The following CCDC13 variants were observed in gnomAD, a reference collection of about 807,000 sequenced individuals.
CCDC13 encodes the protein coiled-coil domain-containing protein 13.
CCDC13 carries 70 observed loss-of-function variants against 87.3 expected under a neutral mutation model. The observed-to-expected ratio is 0.80, with a 90% CI of 0.66 to 0.98. CCDC13 has a LOEUF of 0.98. Among genes scored for constraint, CCDC13 ranks in the 50% least tolerant of loss-of-function variants. The pLI is 0.00. For synonymous variants in CCDC13, 317 were observed against 360.3 expected (o/e 0.88, Z 1.36); for missense variants, 842 against 892.0 (o/e 0.94, Z 0.71).
chr3:42,738,386 C>A (rs757911380), intron 9 of CCDC13, among the ~76,000 whole-genome samples: 1 of 152,170 alleles, frequency 6.6e-6, no homozygotes, highest in Non-Finnish European at 1.5e-5. Flanking sequence ...ATTGTCTTGG[C>A]AATGTGGGCT....
chr3:42,750,325 T>A lies in CCDC13; in HGVS notation c.603+1611A>T, dbSNP rs539004305. Among the ~76,000 whole-genome samples, 282 of 152,340 alleles carry A rather than the reference T, an allele frequency of 1.9e-3. 1 individual carries two copies. Among genetic ancestry groups the A allele is most frequent in the Non-Finnish European group, 2.2e-3 (153 of 68,026 alleles). ...TCCCACCTTCCAGCTGCAACCTTAA[T>A]GGAGGGTGGACTCCCCTGTGAGCTT... On this transcript the variant is annotated intron_variant, in intron 5 of 15. Coordinates refer to ENST00000310232, the MANE Select transcript of CCDC13 (RefSeq NM_144719.4).
rs1041116391 is a variant in CCDC13 at position 42,751,942 on chromosome 3, T to C, written c.597A>G (p.Arg199=). ...CACAGAAGAGAATTCATACCAATGC[T>C]CTGTCTCCCATCTGGGCCCTCGGTG... ...AKPPRAQMGD[R]ALLETPEVKA... is the part of the protein sequence containing the mutation. The change falls in exon 5 of 16, where the codon AGA becomes AGG. Residue 199 remains arginine (R), a synonymous_variant. Transcript: ENST00000310232. 7 of 1,612,100 alleles carry C rather than the reference T, an allele frequency of 4.3e-6. No homozygotes were observed. The highest frequency in any genetic ancestry group is 5.9e-6 in the Non-Finnish European group (7 of 1,179,852).
At chr3:42,753,195 C>T (rs939283864) in intron 3 of CCDC13, among the ~76,000 whole-genome samples, 9 of 152,176 alleles carry the variant, frequency 5.9e-5, no homozygotes, top group East Asian at 1.9e-4. Flanking sequence ...CAGTTAAATT[C>T]GCTGTGTTTG....
chr3:42,731,068 G>C (rs1559643580), intron 12 of CCDC13, among the ~76,000 whole-genome samples: 1 of 152,118 alleles, frequency 6.6e-6, no homozygotes, highest in Non-Finnish European at 1.5e-5. Context: ...TTTGTGACTT[G>C]TTCAATTTTC....
chr3:42,745,052 T>A (rs1378344041), intron 7 of CCDC13: 1 of 152,144 alleles, frequency 6.6e-6, no homozygotes, highest in East Asian at 1.9e-4. Context: ...CCATGCACTA[T>A]CATCTATTAG....
Position 42,707,453 on chromosome 3 carries a change from T to C in CCDC13, c.*1527A>G, listed in dbSNP as rs1255761108. The stretch of plus-strand genomic sequence containing the variant: ...ACCCCATGCAGGGTCAGGGGCTCCC[T>C]GAGGAGTGGGGGCCAGCTAGGGTCC... On this transcript the variant is annotated 3_prime_UTR_variant, in exon 16 of 16. Transcript: ENST00000310232. 6.6e-6 allele frequency among the ~76,000 whole-genome samples: 1 copy of C among 152,126 alleles called. No homozygotes were observed. Among genetic ancestry groups the C allele is most frequent in the Non-Finnish European group, 1.5e-5 (1 of 68,006 alleles).
In CCDC13 at chr3:42,747,831, C is replaced by T. The variant is rs111477801; in HGVS notation, c.604-458G>A. Among the ~76,000 whole-genome samples the T allele has an allele frequency of 6.2e-3, 937 of 152,286 alleles. 8 individuals carry two copies. The highest frequency in any genetic ancestry group is 0.021 in the African/African-American group (878 of 41,550). On this transcript the variant is annotated intron_variant, in intron 5 of 15. Coordinates refer to ENST00000310232, the MANE Select transcript of CCDC13 (RefSeq NM_144719.4). ...TTCACTCAGAATAAAGAGGAAACCA[C>T]GTTATTCCCCGAAGGCAAGCCCAGC... is the stretch of plus-strand genomic sequence containing the variant.
intron 1 of CCDC13, among the ~76,000 whole-genome samples, chr3:42,764,451 C>G (rs1699894928): frequency 6.6e-6 from 1 of 152,266 alleles, no homozygotes; most frequent in African/African-American, 2.4e-5. Context: ...ACACGGACAG[C>G]AGCTGCTATG....
chr3:42,729,814 C>T (rs1698778285), intron 13 of CCDC13, among the ~76,000 whole-genome samples: 1 of 152,214 alleles, frequency 6.6e-6, no homozygotes, highest in East Asian at 1.9e-4. Flanking sequence ...TTGACTGATA[C>T]ATGATATAGC....
At chr3:42,770,605 C>A (rs971545709) in intron 1 of CCDC13, 1 of 152,276 alleles carries the variant, frequency 6.6e-6, no homozygotes, top group African/African-American at 2.4e-5. Flanking sequence ...GCAGTGGCAA[C>A]CTGCTGAGGT....
At chr3:42,725,674 C>T (rs1265713215) in intron 13 of CCDC13, among the ~76,000 whole-genome samples, 1 of 152,038 alleles carries the variant, frequency 6.6e-6, no homozygotes, top group South Asian at 2.1e-4. Flanking sequence ...AACACAAGGG[C>T]AGCATTCATG....
intron 10 of CCDC13, among the ~76,000 whole-genome samples, chr3:42,734,835 G>A (rs754323658): frequency 3.9e-5 from 6 of 152,224 alleles, no homozygotes; most frequent in Non-Finnish European, 8.8e-5. Context: ...AGGTGAAGGT[G>A]CCTGACTCCT....
intron 14 of CCDC13, 119 bp from the exon 15 acceptor site, chr3:42,709,917 T>C (rs1248846809): frequency 2.6e-6 from 2 of 756,964 alleles, no homozygotes; most frequent in African/African-American, 3.4e-5. Context: ...CTACACCGCC[T>C]TCGGGGTGCA....
chr3:42,721,019 G>T lies in CCDC13; in HGVS notation c.1719-7703C>A, dbSNP rs561103126. Among the ~76,000 whole-genome samples, 3 of 152,280 alleles carry T rather than the reference G, an allele frequency of 2.0e-5. No homozygotes were observed. The South Asian group carries it at 6.2e-4, about 32-fold the overall frequency. Reference sequence around the variant, plus strand: ...GCTACAGTAACATTTGGCTTATCGGGTATAAAAATCATATAGAAAGCATTG... The same window carrying T: ...GCTACAGTAACATTTGGCTTATCGGTTATAAAAATCATATAGAAAGCATTG... On this transcript the variant is annotated intron_variant, in intron 13 of 15. Transcript: ENST00000310232.
intron 1 of CCDC13, among the ~76,000 whole-genome samples, chr3:42,764,785 C>T (rs932933605): frequency 1.1e-4 from 16 of 152,170 alleles, no homozygotes; most frequent in Non-Finnish European, 1.9e-4. Flanking sequence ...GGATTCCCCT[C>T]AGGGCACTCT....
At chr3:42,769,882 C>G (rs371050940) in intron 1 of CCDC13, among the ~76,000 whole-genome samples, 1 of 152,264 alleles carries the variant, frequency 6.6e-6, no homozygotes, top group Non-Finnish European at 1.5e-5. Context: ...CAATTTCTCA[C>G]GGGGCCTTAG....
At chr3:42,748,941 T>C (rs770165479) in intron 5 of CCDC13, among the ~76,000 whole-genome samples, 1 of 152,128 alleles carries the variant, frequency 6.6e-6, no homozygotes, top group African/African-American at 2.4e-5. Flanking sequence ...TATTTTTTAG[T>C]AGAGATGGGG....
At position 42,766,412 on chromosome 3, in the gene CCDC13, C is replaced by T. The variant is rs532677105; in HGVS notation, c.-7+6764G>A. Among the ~76,000 whole-genome samples, 11 of 152,068 alleles carry T rather than the reference C, an allele frequency of 7.2e-5. No homozygotes were observed. The South Asian group carries it at 2.3e-3, about 32-fold the overall frequency. ...AGAGACAGCTGGAAGCAAGTAACAG[C>T]CTGACGGGTTCATCTTGCCTGCTGT... On this transcript the variant is annotated intron_variant, in intron 1 of 15. Transcript: ENST00000310232.
In CCDC13 at chr3:42,708,921, T is replaced by G. The variant is rs953735338; in HGVS notation, c.*59A>C. 3.2e-6 allele frequency: 5 copies of G among 1,542,344 alleles called. No homozygotes were observed. Among genetic ancestry groups the G allele is most frequent in the Non-Finnish European group, 3.5e-6 (4 of 1,145,600 alleles). ...GAGCAGATGGAGTCCTCAGACAGAG[T>G]CTTATCCTCTCAAGACCTGAGGCTG... On this transcript the variant is annotated 3_prime_UTR_variant, in exon 16 of 16. Transcript: ENST00000310232.
Sources: allele counts gnomAD v4.1 joint callset (sites outside exome capture counted in the v4.1 genomes callset), GRCh38; gene constraint gnomAD v4.1.1; transcripts MANE v1.5; gene names NCBI Gene and HGNC (gene_info 2026-07-23, HGNC 2026-07-21).